RPS6KC1: variants seen among roughly 807,000 people sequenced by gnomAD.
The protein encoded by RPS6KC1 is ribosomal protein S6 kinase C1.
A neutral mutation model predicts 103.8 loss-of-function variants in RPS6KC1; 54 were observed. The ratio of observed to expected loss-of-function variants is 0.52; its 90% CI spans 0.42 to 0.65. The LOEUF is 0.65. Among genes scored for constraint, RPS6KC1 ranks in the 30% least tolerant of loss-of-function variants. The pLI, the probability that RPS6KC1 is intolerant of heterozygous loss-of-function variation, is 0.00. For missense variants in RPS6KC1, 1,151 were observed against 1,253.8 expected (o/e 0.92, Z 1.24); for synonymous variants, 439 against 438.7 (o/e 1.00, Z -0.01).
At chr1:213,416,561 C>T in the RPS6KC1 span, among the ~76,000 whole-genome samples, 1 of 152,182 alleles carries the variant, frequency 6.6e-6, no homozygotes, top group African/African-American at 2.4e-5. Context: ...CGGGGCTGGG[C>T]TGTGAGTCCA....
the RPS6KC1 span, among the ~76,000 whole-genome samples, chr1:213,397,698 A>G: frequency 1.1e-4 from 17 of 152,082 alleles, no homozygotes; most frequent in Admixed American, 1.1e-3. Flanking sequence ...AGGTCAAGGC[A>G]AAATGGTAGA....
the RPS6KC1 span, among the ~76,000 whole-genome samples, chr1:213,484,206 A>C: frequency 0.05 from 7,561 of 152,248 alleles, 609 homozygotes; most frequent in African/African-American, 0.17. Flanking sequence ...CTATCACTGC[A>C]TAACCAGTTA....
chr1:213,724,207 C>A, the RPS6KC1 span, among the ~76,000 whole-genome samples: 29 of 152,160 alleles, frequency 1.9e-4, no homozygotes, highest in Non-Finnish European at 2.9e-5. Flanking sequence ...CCTGCCTCAG[C>A]CTCTCAAGTA....
At chr1:213,641,619 A>G in the RPS6KC1 span, among the ~76,000 whole-genome samples, 2 of 152,024 alleles carry the variant, frequency 1.3e-5, no homozygotes. Flanking sequence ...TTAGGATTAA[A>G]TCCAAGCATG....
At chr1:213,495,815 G>T in the RPS6KC1 span, among the ~76,000 whole-genome samples, 1 of 152,122 alleles carries the variant, frequency 6.6e-6, no homozygotes, top group African/African-American at 2.4e-5. Context: ...CTTTTTAAAT[G>T]CATGATTGTA....
At chr1:213,723,759 AG>A in the RPS6KC1 span, among the ~76,000 whole-genome samples, 1 of 152,236 alleles carries the variant, frequency 6.6e-6, no homozygotes, top group South Asian at 2.1e-4. Context: ...CAATTGCACC[AG>A]GCCCTGCTCA....
At chr1:213,520,814 T>C in the RPS6KC1 span, among the ~76,000 whole-genome samples, 1 of 152,216 alleles carries the variant, frequency 6.6e-6, no homozygotes, top group South Asian at 2.1e-4. Context: ...GTGTGCTCTC[T>C]TTCTTAAAAC....
the RPS6KC1 span, among the ~76,000 whole-genome samples, chr1:213,715,743 A>T: frequency 6.6e-6 from 1 of 152,242 alleles, no homozygotes; most frequent in Non-Finnish European, 1.5e-5. Flanking sequence ...ATCTGTTTTC[A>T]TCATTATTGG....
the RPS6KC1 span, among the ~76,000 whole-genome samples, chr1:213,563,631 T>G: frequency 6.6e-6 from 1 of 152,136 alleles, no homozygotes; most frequent in African/African-American, 2.4e-5. Flanking sequence ...AAACTTAACA[T>G]TATATCCTGT....
intron 12 of RPS6KC1, among the ~76,000 whole-genome samples, chr1:213,249,773 A>G (rs567338058): frequency 1.3e-5 from 2 of 152,356 alleles, no homozygotes; most frequent in South Asian, 4.1e-4. Flanking sequence ...TCGGTCAACC[A>G]GAAGTCATGT....
the RPS6KC1 span, among the ~76,000 whole-genome samples, chr1:213,499,487 G>C: frequency 6.6e-6 from 1 of 152,196 alleles, no homozygotes; most frequent in African/African-American, 2.4e-5. Flanking sequence ...GGCATAGTTA[G>C]AGTCTCATAA....
chr1:213,561,665 G>T, the RPS6KC1 span, among the ~76,000 whole-genome samples: 1 of 152,106 alleles, frequency 6.6e-6, no homozygotes, highest in Non-Finnish European at 1.5e-5. Flanking sequence ...CTTTTCTTTG[G>T]GGTCAGCTTT....
At chr1:213,317,152 T>C in the RPS6KC1 span, among the ~76,000 whole-genome samples, 1 of 152,162 alleles carries the variant, frequency 6.6e-6, no homozygotes, top group Admixed American at 6.5e-5. Flanking sequence ...CAAATATAAC[T>C]TGGGTGTATG....
chr1:213,214,117 C>T (rs61443537), intron 8 of RPS6KC1, among the ~76,000 whole-genome samples: 93,357 of 151,264 alleles, frequency 0.62, 29,168 homozygotes, highest in Non-Finnish European at 0.65. Flanking sequence ...CAGGGAATTC[C>T]CTTTCATAGC....
the RPS6KC1 span, among the ~76,000 whole-genome samples, chr1:213,605,467 T>C: frequency 0.027 from 4,142 of 152,306 alleles, 204 homozygotes; most frequent in African/African-American, 0.095. Flanking sequence ...TGTTCTGTGA[T>C]TTAATGTCAA....
At chr1:213,288,508 T>G in the RPS6KC1 span, among the ~76,000 whole-genome samples, 1 of 152,258 alleles carries the variant, frequency 6.6e-6, no homozygotes, top group Non-Finnish European at 1.5e-5. Flanking sequence ...TGCTTTTAAC[T>G]TATAACCTAG....
At chr1:213,782,129 G>A in the RPS6KC1 span, among the ~76,000 whole-genome samples, 1 of 152,260 alleles carries the variant, frequency 6.6e-6, no homozygotes, top group East Asian at 1.9e-4. Context: ...TCTTGCTCAT[G>A]CAAAGTCCAG....
intron 8 of RPS6KC1, among the ~76,000 whole-genome samples, chr1:213,194,407 A>C (rs1026002010): frequency 1.3e-5 from 2 of 151,932 alleles, no homozygotes; most frequent in Non-Finnish European, 2.9e-5. Flanking sequence ...CCTGTTAGTG[A>C]ATGTGATTTT....
At chr1:213,366,437 A>C in the RPS6KC1 span, among the ~76,000 whole-genome samples, 1 of 152,246 alleles carries the variant, frequency 6.6e-6, no homozygotes, top group African/African-American at 2.4e-5. Context: ...GCAAAGGTGG[A>C]TCAGAGTATG....
Sources: gnomAD v4.1 joint callset for allele counts (sites outside exome capture counted in the v4.1 genomes callset) on GRCh38, gnomAD v4.1.1 for gene constraint, MANE v1.5 for transcripts, NCBI Gene and HGNC (gene_info 2026-07-23, HGNC 2026-07-21) for gene names.